The following RAD54L2 variants were observed in gnomAD, a reference collection of about 807,000 sequenced individuals.
The protein encoded by RAD54L2 is helicase ARIP4.
A neutral mutation model predicts 138.4 loss-of-function variants in RAD54L2; 27 were observed. The observed-to-expected ratio is 0.20, with a 90% CI of 0.14 to 0.27. The LOEUF is 0.27. Among genes scored for constraint, RAD54L2 ranks in the 10% least tolerant of loss-of-function variants. The probability of loss-of-function intolerance (pLI) is 1.00; values close to 1 mark genes in which losing one functional copy is unlikely to be tolerated. For missense variants in RAD54L2, 1,396 were observed against 1,890.2 expected (o/e 0.74, Z 4.85); for synonymous variants, 644 against 723.2 (o/e 0.89, Z 1.76).
At chr3:51,635,900 T>A in intron 10 of RAD54L2, 111 bp downstream of exon 10, 1 of 1,170,804 alleles carries the variant, frequency 8.5e-7, no homozygotes, top group Non-Finnish European at 1.2e-6. Flanking sequence ...TGAATTGTTA[T>A]CATGGACCAA....
Position 51,637,373 on chromosome 3 carries a change from C to A in RAD54L2, c.1552C>A (p.Gln518Lys). The A allele has an allele frequency of 1.2e-6, 2 of 1,613,724 alleles. No individual in the cohort carries two copies. Among genetic ancestry groups the A allele is most frequent in the Non-Finnish European group, 1.7e-6 (2 of 1,179,816 alleles). The change falls in exon 11 of 23, where the codon CAG becomes AAG. Residue 518 changes from glutamine to lysine, a missense_variant. Gln to Lys is a moderately conservative substitution (Grantham distance 53). Around this residue, in one of 7 missense-constraint regions of RAD54L2, gnomAD observed 36 missense variants for 107.2 expected, o/e 0.34. Transcript: ENST00000684192. The surrounding 1 kb of genome is among the most constrained non-coding windows in gnomAD (Gnocchi z 5.9). ...FVRPDFLGTR[Q>K]EFSNMFERPI... ...GCGCCCAGACTTCCTTGGCACCCGG[C>A]AGGAGTTCAGCAACATGTTTGAACG...
At chr3:51,586,683 T>G (rs927701042) in intron 2 of RAD54L2, among the ~76,000 whole-genome samples, 1 of 151,610 alleles carries the variant, frequency 6.6e-6, no homozygotes, top group Non-Finnish European at 1.5e-5. Flanking sequence ...ATTCTTCTGC[T>G]TCAGCGTCCC....
intron 2 of RAD54L2, among the ~76,000 whole-genome samples, chr3:51,580,285 G>A (rs983263354): frequency 3.3e-5 from 5 of 152,214 alleles, no homozygotes; most frequent in Non-Finnish European, 5.9e-5. Flanking sequence ...GAACGGTGAA[G>A]TGGAAGAGAT....
intron 2 of RAD54L2, among the ~76,000 whole-genome samples, chr3:51,587,122 T>G (rs1023893593): frequency 6.6e-6 from 1 of 151,736 alleles, no homozygotes; most frequent in Non-Finnish European, 1.5e-5. Flanking sequence ...TTTCTCGAGA[T>G]GGGAGTCTCG....
chr3:51,568,638 C>A (rs964058620), intron 2 of RAD54L2, among the ~76,000 whole-genome samples: 1 of 152,114 alleles, frequency 6.6e-6, no homozygotes, highest in Non-Finnish European at 1.5e-5. Flanking sequence ...TTCCAGGCTG[C>A]AGCCCCATGG....
rs1698554952 is a variant in RAD54L2 at position 51,541,661 on chromosome 3, G to A, written c.-55+11G>A. 1 of 152,176 alleles carries A rather than the reference G, an allele frequency of 6.6e-6. No homozygotes were observed. The highest frequency in any genetic ancestry group is 6.5e-5 in the Admixed American group (1 of 15,278). 9.4% of individuals were successfully genotyped at this position (152,176 alleles called of 1,614,324 possible). ...AGGAGTAAGATTGAGGTAAGGCTCA[G>A]TCTGTTTGAAAGTCATTTGCTTCTT... On this transcript the variant is annotated intron_variant, in intron 2 of 22. Coordinates refer to ENST00000684192, the MANE Select transcript of RAD54L2 (RefSeq NM_015106.4).
intron 3 of RAD54L2, among the ~76,000 whole-genome samples, chr3:51,607,243 A>T (rs1245449789): frequency 6.6e-6 from 1 of 151,768 alleles, no homozygotes. Context: ...TCCTAGGCAG[A>T]GGGCCCTGCC....
At chr3:51,652,688 C>T (rs1242212298) in intron 19 of RAD54L2, among the ~76,000 whole-genome samples, 1 of 152,178 alleles carries the variant, frequency 6.6e-6, no homozygotes, top group Non-Finnish European at 1.5e-5. Context: ...AAAGGATTCC[C>T]TATTTAATAA....
At chr3:51,586,789 G>C (rs916770839) in intron 2 of RAD54L2, among the ~76,000 whole-genome samples, 7 of 151,856 alleles carry the variant, frequency 4.6e-5, no homozygotes, top group Non-Finnish European at 8.8e-5. Flanking sequence ...GGCTGGTCTT[G>C]AACTCCTGAC....
intron 2 of RAD54L2, among the ~76,000 whole-genome samples, chr3:51,545,932 T>C (rs1698680923): frequency 8.3e-6 from 1 of 120,778 alleles, no homozygotes; most frequent in Non-Finnish European, 1.7e-5. Flanking sequence ...ACATCAATTC[T>C]TTTTTTTTTT....
At chr3:51,579,773 T>C (rs1385272907) in intron 2 of RAD54L2, among the ~76,000 whole-genome samples, 1 of 152,176 alleles carries the variant, frequency 6.6e-6, no homozygotes, top group Non-Finnish European at 1.5e-5. Context: ...AGTATATAGA[T>C]AAGAAAAGGT....
At chr3:51,575,755 A>G (rs1699466673) in intron 2 of RAD54L2, among the ~76,000 whole-genome samples, 2 of 152,226 alleles carry the variant, frequency 1.3e-5, no homozygotes, top group Admixed American at 6.5e-5. Flanking sequence ...GGGCTGAGAC[A>G]ATGGGGTTTT....
intron 3 of RAD54L2, among the ~76,000 whole-genome samples, chr3:51,593,768 GTGTT>G (rs1699891985): frequency 6.6e-6 from 1 of 152,118 alleles, no homozygotes; most frequent in Non-Finnish European, 1.5e-5. Context: ...TTGGTGTATT[GTGTT>G]TGTTTTCTTT....
At chr3:51,564,182 C>G (rs922408177) in intron 2 of RAD54L2, among the ~76,000 whole-genome samples, 3 of 152,138 alleles carry the variant, frequency 2.0e-5, no homozygotes, top group Non-Finnish European at 4.4e-5. Flanking sequence ...CTTTTCTATT[C>G]TTCTCTTAAA....
rs150640134 is a variant in RAD54L2, at chr3:51,657,585, G to T, written c.3232G>T (p.Val1078Phe). ...AAGATCTGTGTTTTTCCTAGATATT[G>T]TTATTCCTGGACTCAACAGCTCCAC... is the stretch of plus-strand genomic sequence containing the variant. ...VQKVVTTTDIVIPGLNSSTDV... is the reference protein window; with the variant it reads ...VQKVVTTTDIFIPGLNSSTDV... The change falls in exon 21 of 23, where the codon GTT (valine) becomes TTT (phenylalanine). Residue 1078 changes from valine (V) to phenylalanine (F), a missense_variant. By Grantham distance (50) the Val-to-Phe change is conservative. This residue lies in a region of RAD54L2 where 634 missense variants were observed against 711.2 expected (regional missense o/e 0.89). Transcript: ENST00000684192. The T allele has an allele frequency of 1.9e-6, 3 of 1,562,828 alleles. No homozygotes were observed. Among genetic ancestry groups the T allele is most frequent in the Non-Finnish European group, 2.6e-6 (3 of 1,146,964 alleles).
Position 51,629,441 on chromosome 3 carries a change from C to G in RAD54L2, c.449C>G (p.Pro150Arg). The change falls in exon 5 of 23, where the codon CCT (proline) becomes CGT (arginine). Residue 150 changes from proline to arginine, a missense_variant. Coordinates refer to ENST00000684192, the MANE Select transcript of RAD54L2 (RefSeq NM_015106.4). ...LEQQRKDYAA[P>R]IPTVPLEFLP... ...CAGCAGAGGAAAGATTATGCAGCCC[C>G]TATTCCTACTGTTCCGCTGGAGTTC... The G allele has an allele frequency of 6.2e-7, 1 of 1,612,570 alleles. No homozygotes were observed. The highest frequency in any genetic ancestry group is 8.5e-7 in the Non-Finnish European group (1 of 1,179,374).
chr3:51,591,206 T>C (rs1699831989), intron 3 of RAD54L2, among the ~76,000 whole-genome samples: 1 of 152,204 alleles, frequency 6.6e-6, no homozygotes, highest in Non-Finnish European at 1.5e-5. Flanking sequence ...CTTCTTGAAA[T>C]GGCATTGAAC....
At chr3:51,598,557 C>A (rs1326443319) in intron 3 of RAD54L2, among the ~76,000 whole-genome samples, 1 of 152,056 alleles carries the variant, frequency 6.6e-6, no homozygotes, top group Non-Finnish European at 1.5e-5. Context: ...GAGTTCGAGA[C>A]CAGCCTGGTC....
intron 2 of RAD54L2, among the ~76,000 whole-genome samples, chr3:51,561,408 G>T (rs1399628523): frequency 3.9e-5 from 6 of 152,146 alleles, no homozygotes; most frequent in Non-Finnish European, 5.9e-5. Context: ...GCCATGCCCG[G>T]CTAATTTTTG....
Sources: gnomAD v4.1 joint callset for allele counts (sites outside exome capture counted in the v4.1 genomes callset) on GRCh38, gnomAD v4.1.1 for gene constraint, gnomAD v4.1.1 regional missense constraint, Gnocchi (gnomAD v3.1) non-coding constraint, MANE v1.5 for transcripts, NCBI Gene and HGNC (gene_info 2026-07-23, HGNC 2026-07-21) for gene names.